ARHGAP18: variants seen among roughly 807,000 people sequenced by gnomAD.
ARHGAP18 encodes the protein rho GTPase-activating protein 18.
In ARHGAP18, 67 loss-of-function variants were observed where a neutral mutation model predicts 86.2. The observed-to-expected ratio is 0.78, with a 90% CI of 0.64 to 0.95. The LOEUF (loss-of-function observed/expected upper bound fraction) is 0.95. Among genes scored for constraint, ARHGAP18 ranks in the 40% least tolerant of loss-of-function variants. The probability of loss-of-function intolerance (pLI) is 0.00; values close to 1 mark genes in which losing one functional copy is unlikely to be tolerated. For missense variants in ARHGAP18, 691 were observed against 780.4 expected, an observed-to-expected ratio of 0.89 and a Z score of 1.37; for synonymous variants, 283 against 280.4, an observed-to-expected ratio of 1.01 and a Z score of -0.09.
chr6:129,657,355 G>C (rs190140450), intron 1 of ARHGAP18, among the ~76,000 whole-genome samples: 5 of 150,956 alleles, frequency 3.3e-5, no homozygotes, highest in Admixed American at 1.3e-4. Flanking sequence ...ACTGATCAAA[G>C]AGAGGTAATT....
At position 129,625,283 on chromosome 6, in the gene ARHGAP18, AAT is replaced by A. The variant is rs1196056492; in HGVS notation, c.786+4068_786+4069del. On this transcript the variant is annotated intron_variant, in intron 5 of 14. Coordinates refer to ENST00000368149, the MANE Select transcript of ARHGAP18 (RefSeq NM_033515.3). ...TGATATATGATATATATTTATATGT[AAT>A]ATATATGATATATGATATATATTTA... is the stretch of plus-strand genomic sequence containing the variant. Among the ~76,000 whole-genome samples, 3 of 74,462 alleles carry A rather than the reference AAT, an allele frequency of 4.0e-5. 1 individual carries two copies. In the South Asian group the frequency reaches 1.3e-3, roughly 33 times the overall value. 48.8% of individuals were successfully genotyped at this position (74,462 alleles called of 152,430 possible).
chr6:129,582,790 T>G (rs373226180), intron 13 of ARHGAP18, among the ~76,000 whole-genome samples: 1 of 152,238 alleles, frequency 6.6e-6, no homozygotes, highest in Admixed American at 6.5e-5. Context: ...CTACCACCTA[T>G]GAAAAATGTG....
chr6:129,583,709 C>G (rs981790538), intron 13 of ARHGAP18, among the ~76,000 whole-genome samples: 8 of 152,130 alleles, frequency 5.3e-5, no homozygotes, highest in African/African-American at 1.9e-4. Flanking sequence ...TCTCGCTTGG[C>G]AAGCCCATCA....
chr6:129,669,600 A>G (rs1774107083), intron 1 of ARHGAP18, among the ~76,000 whole-genome samples: 1 of 151,832 alleles, frequency 6.6e-6, no homozygotes, highest in Non-Finnish European at 1.5e-5. Flanking sequence ...AGCCTGACCA[A>G]CACGGAGAAA....
chr6:129,684,049 A>G (rs1198404698), intron 1 of ARHGAP18, among the ~76,000 whole-genome samples: 2 of 152,194 alleles, frequency 1.3e-5, no homozygotes, highest in Non-Finnish European at 2.9e-5. Context: ...GATCTGAAAA[A>G]TCTTGGAGAG....
At chr6:129,613,700 A>G (rs143978243) in intron 7 of ARHGAP18, among the ~76,000 whole-genome samples, 135 of 152,332 alleles carry the variant, frequency 8.9e-4, no homozygotes, top group Non-Finnish European at 1.7e-3. Flanking sequence ...GTGTTTTCTT[A>G]TATATCTCAC....
Position 129,638,596 on chromosome 6 carries a change from G to A in ARHGAP18, c.350C>T (p.Ala117Val). ...CTCTCCGAAGAGATTGGATAAACCG[G>A]CCTCTTTAAGCCACTCTTCTTCCAA... ...GELEEEWLKE[A>V]GLSNLFGESA... is the part of the protein sequence containing the mutation. The change falls in exon 3 of 15, where the codon GCC becomes GTC. Residue 117 changes from alanine (A) to valine (V), a missense_variant. Transcript: ENST00000368149. The A allele has an allele frequency of 6.2e-7, 1 of 1,614,020 alleles. No individual in the cohort carries two copies.
chr6:129,673,563 T>C (rs145158183), intron 1 of ARHGAP18, among the ~76,000 whole-genome samples: 30 of 152,352 alleles, frequency 2.0e-4, no homozygotes, highest in African/African-American at 7.2e-4. Context: ...TAAGCTCTTA[T>C]CTGTCTCAAT....
At position 129,577,720 on chromosome 6, in the gene ARHGAP18, T is replaced by C. The variant is rs1179680395; in HGVS notation, c.*793A>G. On this transcript the variant is annotated 3_prime_UTR_variant, in exon 15 of 15. Coordinates refer to ENST00000368149, the MANE Select transcript of ARHGAP18 (RefSeq NM_033515.3). ...ACTTTTAAAATTCCATTTAGAAGAG[T>C]ACAGTAGACAGAAAGTGCTTTGGCT... The C allele has an allele frequency of 2.6e-5, 4 of 152,072 alleles. No individual in the cohort carries two copies. Among genetic ancestry groups the C allele is most frequent in the Non-Finnish European group, 5.9e-5 (4 of 67,992 alleles). 9.4% of individuals were successfully genotyped at this position (152,072 alleles called of 1,614,324 possible). A position where few individuals can be genotyped will look rare whatever the true frequency, so the allele number is the denominator to read the frequency against.
intron 1 of ARHGAP18, among the ~76,000 whole-genome samples, chr6:129,693,998 G>A (rs1774571084): frequency 6.6e-6 from 1 of 152,210 alleles, no homozygotes; most frequent in Non-Finnish European, 1.5e-5. Flanking sequence ...CTACTTCATT[G>A]TAGTAAATAG....
intron 3 of ARHGAP18, among the ~76,000 whole-genome samples, chr6:129,635,986 A>T (rs1263390683): frequency 2.0e-5 from 3 of 152,220 alleles, no homozygotes; most frequent in African/African-American, 7.2e-5. Context: ...GACTGGCAGA[A>T]ATCCCACAAT....
chr6:129,681,782 A>G (rs536210136), intron 1 of ARHGAP18, among the ~76,000 whole-genome samples: 45 of 152,366 alleles, frequency 3.0e-4, no homozygotes, highest in African/African-American at 1.0e-3. Context: ...CAGTCCAAAG[A>G]CAACACATTG....
chr6:129,602,445 T>C (rs1301567730), intron 10 of ARHGAP18, among the ~76,000 whole-genome samples: 1 of 151,872 alleles, frequency 6.6e-6, no homozygotes, highest in African/African-American at 2.4e-5. Context: ...AAATATACTA[T>C]ACTAAAATGG....
intron 1 of ARHGAP18, among the ~76,000 whole-genome samples, chr6:129,649,846 T>C (rs988556967): frequency 1.3e-5 from 2 of 151,856 alleles, no homozygotes; most frequent in Non-Finnish European, 2.9e-5. Flanking sequence ...AACCAATTCA[T>C]AGGTGCTGGG....
At chr6:129,605,791 T>C (rs1466426795) in intron 10 of ARHGAP18, 86 bp downstream of exon 10, 4 of 1,220,990 alleles carry the variant, frequency 3.3e-6, no homozygotes, top group Middle Eastern at 1.9e-4. Context: ...ATGTCCAAGA[T>C]ACACATCTTA....
At chr6:129,704,790 T>G (rs1056388928) in intron 1 of ARHGAP18, among the ~76,000 whole-genome samples, 11 of 152,180 alleles carry the variant, frequency 7.2e-5, no homozygotes, top group Non-Finnish European at 1.3e-4. Context: ...CTTCCTCCAC[T>G]GCTCAAAACC....
chr6:129,604,509 G>T (rs1321086943), intron 10 of ARHGAP18, among the ~76,000 whole-genome samples: 3 of 152,118 alleles, frequency 2.0e-5, no homozygotes, highest in African/African-American at 7.2e-5. Flanking sequence ...AGAAAAAGAT[G>T]TTCCTCCCTA....
chr6:129,686,974 TTTTC>T (rs1313500453), intron 1 of ARHGAP18, among the ~76,000 whole-genome samples: 14,514 of 77,946 alleles, frequency 0.19, 699 homozygotes, highest in Admixed American at 0.23. Context: ...TTTCTTTTTT[TTTTC>T]TTTTTTTTTT....
intron 5 of ARHGAP18, among the ~76,000 whole-genome samples, chr6:129,625,054 T>C (rs1187062445): frequency 1.8e-5 from 1 of 55,842 alleles, no homozygotes; most frequent in East Asian, 3.2e-4. Context: ...ATATATATGA[T>C]TGATATATAT....
Sources: gnomAD v4.1 joint callset for allele counts (sites outside exome capture counted in the v4.1 genomes callset) on GRCh38, gnomAD v4.1.1 for gene constraint, MANE v1.5 for transcripts, NCBI Gene and HGNC (gene_info 2026-07-23, HGNC 2026-07-21) for gene names.